DRG1: variants seen among roughly 807,000 people sequenced by gnomAD.
The protein encoded by DRG1 is developmentally regulated GTP binding protein 1.
In DRG1, 19 loss-of-function variants were observed where a neutral mutation model predicts 38.8. The observed-to-expected ratio is 0.49, with a 90% CI of 0.34 to 0.72. The LOEUF is 0.72. Ranked by LOEUF, DRG1 falls within the 30% of genes least tolerant of loss-of-function variation. The pLI is 0.01. For missense variants in DRG1, 299 were observed against 444.8 expected (o/e 0.67, Z 2.95); for synonymous variants, 167 against 157.5 (o/e 1.06, Z -0.45).
intron 8 of DRG1, 21 bp from the exon 9 acceptor site, chr22:31,433,851 T>C: frequency 1.2e-6 from 2 of 1,610,120 alleles, no homozygotes; most frequent in African/African-American, 1.3e-5. Context: ...ACACTGACTG[T>C]TCTTTTTCCC....
In DRG1 at chr22:31,399,616, T is replaced by G; in HGVS notation, c.-68T>G. 6.8e-6 allele frequency: 11 copies of G among 1,607,856 alleles called. No homozygotes were observed. Among genetic ancestry groups the G allele is most frequent in the Non-Finnish European group, 9.4e-6 (11 of 1,174,268 alleles). On this transcript the variant is annotated 5_prime_UTR_variant, in exon 1 of 9. Coordinates refer to ENST00000331457, the MANE Select transcript of DRG1 (RefSeq NM_004147.4). Reference sequence around the variant, plus strand: ...GCCTGCGTGCTGCAGTAGCGCCTGGTGGCGGTGGCAGTTTGCCCGCGGGTG... The same window carrying G: ...GCCTGCGTGCTGCAGTAGCGCCTGGGGGCGGTGGCAGTTTGCCCGCGGGTG...
At chr22:31,427,977 C>G (rs997601839) in intron 8 of DRG1, among the ~76,000 whole-genome samples, 1 of 151,954 alleles carries the variant, frequency 6.6e-6, no homozygotes, top group Non-Finnish European at 1.5e-5. Flanking sequence ...CCTCAGCCCC[C>G]CAAAGTGCTG....
intron 3 of DRG1, among the ~76,000 whole-genome samples, chr22:31,403,454 G>A (rs1464845249): frequency 6.6e-6 from 1 of 151,972 alleles, no homozygotes; most frequent in African/African-American, 2.4e-5. Flanking sequence ...GATCACCTGA[G>A]GTCGGGAGTT....
chr22:31,410,872 C>A, intron 3 of DRG1, 140 bp from the exon 4 acceptor site: 1 of 761,760 alleles, frequency 1.3e-6, no homozygotes, highest in Non-Finnish European at 2.0e-6. Flanking sequence ...AAGTAATATT[C>A]ACACACTCGC....
chr22:31,407,685 CTTTTTTT>C (rs71319190), intron 3 of DRG1, among the ~76,000 whole-genome samples: 1 of 137,220 alleles, frequency 7.3e-6, no homozygotes, highest in African/African-American at 2.7e-5. Context: ...TTTCATTTTT[CTTTTTTT>C]TTTTTTTGAG....
intron 8 of DRG1, among the ~76,000 whole-genome samples, chr22:31,427,935 C>G (rs1268928726): frequency 6.6e-6 from 1 of 152,060 alleles, no homozygotes; most frequent in Non-Finnish European, 1.5e-5. Flanking sequence ...CGGGGTTCCT[C>G]CATGTTGGTT....
chr22:31,400,544 G>A, intron 1 of DRG1, 76 bp from the exon 2 acceptor site: 3 of 1,574,884 alleles, frequency 1.9e-6, no homozygotes, highest in Non-Finnish European at 2.6e-6. Flanking sequence ...TAGGACTTGG[G>A]GAAAAAAATT....
intron 6 of DRG1, among the ~76,000 whole-genome samples, chr22:31,424,339 C>T (rs1043569759): frequency 9.3e-5 from 14 of 150,856 alleles, no homozygotes; most frequent in African/African-American, 2.4e-4. Context: ...TTAGTAGAGA[C>T]GGGGTTTCAT....
intron 5 of DRG1, among the ~76,000 whole-genome samples, chr22:31,420,751 A>G (rs13058363): frequency 0.4 from 60,263 of 151,854 alleles, 13,503 homozygotes; most frequent in Non-Finnish European, 0.51. Context: ...TAGAGTGCCT[A>G]CCACGGGCCA....
chr22:31,423,906 C>G (rs2050093195), intron 6 of DRG1, among the ~76,000 whole-genome samples: 1 of 143,646 alleles, frequency 7.0e-6, no homozygotes, highest in African/African-American at 2.6e-5. Flanking sequence ...CTCTTGTTAG[C>G]CAGGCTGGAG....
chr22:31,401,067 C>G (rs1005439953), intron 2 of DRG1, among the ~76,000 whole-genome samples: 2 of 151,862 alleles, frequency 1.3e-5, no homozygotes, highest in Non-Finnish European at 2.9e-5. Context: ...GTTTCAGAGG[C>G]AAATGAATAT....
chr22:31,415,642 G>T (rs926502635), intron 4 of DRG1, among the ~76,000 whole-genome samples: 1 of 152,112 alleles, frequency 6.6e-6, no homozygotes, highest in Non-Finnish European at 1.5e-5. Context: ...GATTACAGGT[G>T]TGAGCACCTG....
intron 2 of DRG1, among the ~76,000 whole-genome samples, chr22:31,402,273 G>T (rs5753601): frequency 0.23 from 34,348 of 151,822 alleles, 4,994 homozygotes; most frequent in East Asian, 0.46. Context: ...CTCTGAACTT[G>T]TTGGCAGCCA....
rs141744371 is a variant in DRG1 at position 31,427,219 on chromosome 22, A to T, written c.1004+37A>T. 65 of 1,603,816 alleles carry T rather than the reference A, an allele frequency of 4.1e-5. No individual in the cohort carries two copies. In the South Asian group the frequency reaches 6.2e-4, roughly 15 times the overall value. ...GGGCCTGTGGTCCCTCCTTTTTCCT[A>T]TGAGTTACCAATTTTACTAACTAGT... On this transcript the variant is annotated intron_variant, in intron 8 of 8. Coordinates refer to ENST00000331457, the MANE Select transcript of DRG1 (RefSeq NM_004147.4).
intron 4 of DRG1, among the ~76,000 whole-genome samples, chr22:31,416,841 T>G (rs1034908368): frequency 1.3e-5 from 2 of 151,116 alleles, no homozygotes; most frequent in Non-Finnish European, 2.9e-5. Context: ...CGGCAGAGGT[T>G]GTAGTGAGCG....
intron 1 of DRG1, among the ~76,000 whole-genome samples, chr22:31,400,264 AGT>A (rs2049953551): frequency 6.6e-6 from 1 of 151,968 alleles, no homozygotes; most frequent in East Asian, 1.9e-4. Flanking sequence ...CCGCCTGGAT[AGT>A]GTGTGATTCC....
chr22:31,407,276 C>G (rs188447068), intron 3 of DRG1, among the ~76,000 whole-genome samples: 10 of 152,194 alleles, frequency 6.6e-5, no homozygotes, highest in African/African-American at 2.4e-4. Context: ...TTTCCTCAAA[C>G]TTTTGCCTGC....
intron 4 of DRG1, among the ~76,000 whole-genome samples, chr22:31,412,317 G>A (rs773413240): frequency 6.6e-6 from 1 of 150,730 alleles, no homozygotes. Context: ...CTTGGTTTGG[G>A]CTTTTCCTTT....
At chr22:31,419,105 G>T (rs943355056) in intron 4 of DRG1, among the ~76,000 whole-genome samples, 1 of 152,000 alleles carries the variant, frequency 6.6e-6, no homozygotes, top group Non-Finnish European at 1.5e-5. Flanking sequence ...ATGAGCTCCC[G>T]TGCCCAGCTG....
Sources: gnomAD v4.1 joint callset for allele counts (sites outside exome capture counted in the v4.1 genomes callset) on GRCh38, gnomAD v4.1.1 for gene constraint, MANE v1.5 for transcripts, NCBI Gene and HGNC (gene_info 2026-07-23, HGNC 2026-07-21) for gene names.